Variants in DLGAP2 observed in about 807,000 individuals in gnomAD.
DLGAP2 encodes the protein DLG associated protein 2.
In DLGAP2, 26 loss-of-function variants were observed where a neutral mutation model predicts 100.3. The observed-to-expected ratio is 0.26, with a 90% CI of 0.19 to 0.36. The LOEUF (loss-of-function observed/expected upper bound fraction) is 0.36. Among genes scored for constraint, DLGAP2 ranks in the 10% least tolerant of loss-of-function variants. DLGAP2 has a pLI of 1.00. For synonymous variants in DLGAP2, 886 were observed against 630.1 expected (o/e 1.41, Z -6.08); for missense variants, 1,858 against 1,453.2 (o/e 1.28, Z -4.53).
chr8:1,619,466 A>C (rs564841143), intron 6 of DLGAP2, among the ~76,000 whole-genome samples: 3 of 152,164 alleles, frequency 2.0e-5, no homozygotes, highest in Non-Finnish European at 2.9e-5. Flanking sequence ...TTTCTGTTTC[A>C]TTTCTATGTA....
Position 1,626,870 on chromosome 8 carries a change from G to T in DLGAP2, c.1573G>T (p.Ala525Ser). ...GAGGGCCGTCAGCACCCTGAGCCAG[G>T]CCAGCTGCGTGAGCCAGGTCAGGGT... The part of the protein sequence containing the change: ...YMRAVSTLSQ[A>S]SCVSQVSEAE... Residue 525 changes from alanine to serine, a missense_variant, in exon 7 of 15, where the codon GCC becomes TCC. Coordinates refer to ENST00000637795, the MANE Select transcript of DLGAP2 (RefSeq NM_001346810.2). 6.2e-7 allele frequency: 1 copy of T among 1,603,916 alleles called. No individual in the cohort carries two copies. The highest frequency in any genetic ancestry group is 8.5e-7 in the Non-Finnish European group (1 of 1,175,508).
intron 1 of DLGAP2, among the ~76,000 whole-genome samples, chr8:814,170 C>G (rs1459012848): frequency 6.6e-6 from 1 of 152,034 alleles, no homozygotes; most frequent in Non-Finnish European, 1.5e-5. Flanking sequence ...GTTTATTTTC[C>G]CATCAAAATC....
chr8:1,442,642 G>T (rs547044840), intron 3 of DLGAP2, among the ~76,000 whole-genome samples: 24 of 146,754 alleles, frequency 1.6e-4, no homozygotes, highest in Admixed American at 4.7e-4. Context: ...TGTGGGTTCA[G>T]CCACTGGAGG....
intron 2 of DLGAP2, among the ~76,000 whole-genome samples, chr8:915,468 G>A (rs1401512852): frequency 2.6e-5 from 4 of 151,926 alleles, no homozygotes; most frequent in Non-Finnish European, 4.4e-5. Flanking sequence ...AATGGTGTGA[G>A]CCCAGGAGGC....
At chr8:1,432,841 G>C (rs1463116325) in intron 3 of DLGAP2, among the ~76,000 whole-genome samples, 1 of 152,202 alleles carries the variant, frequency 6.6e-6, no homozygotes, top group Non-Finnish European at 1.5e-5. Flanking sequence ...AGACACACTG[G>C]ACCCCGGTGA....
At chr8:831,795 C>G (rs1276354023) in intron 1 of DLGAP2, among the ~76,000 whole-genome samples, 1 of 152,176 alleles carries the variant, frequency 6.6e-6, no homozygotes, top group Admixed American at 6.5e-5. Flanking sequence ...GCCACACTGT[C>G]TTTCACAATG....
chr8:1,594,522 T>A (rs541317643), intron 6 of DLGAP2, among the ~76,000 whole-genome samples: 25 of 151,958 alleles, frequency 1.6e-4, no homozygotes, highest in African/African-American at 6.0e-4. Flanking sequence ...AAAGACAACA[T>A]CGTTACAAAT....
intron 2 of DLGAP2, among the ~76,000 whole-genome samples, chr8:961,776 C>T (rs764190391): frequency 3.9e-5 from 6 of 152,122 alleles, no homozygotes; most frequent in Non-Finnish European, 7.3e-5. Flanking sequence ...TAAAGTTATA[C>T]GTTTGTGTAA....
intron 2 of DLGAP2, among the ~76,000 whole-genome samples, chr8:1,081,418 C>T (rs543024706): frequency 6.6e-6 from 1 of 152,194 alleles, no homozygotes; most frequent in Non-Finnish European, 1.5e-5. Context: ...GTGGCGCAGC[C>T]TTGGCTCACT....
intron 4 of DLGAP2, among the ~76,000 whole-genome samples, chr8:1,512,103 G>A (rs766801426): frequency 3.3e-5 from 5 of 152,194 alleles, no homozygotes; most frequent in Non-Finnish European, 7.3e-5. Context: ...GCTGAGGGCC[G>A]ACGGCCTCCC....
chr8:1,706,943 G>A lies in DLGAP2; in HGVS notation c.*5537G>A, dbSNP rs1224256661. ...TTTCATCCTTGCCACATTGAAAAAT[G>A]TCCACAATTTTATGAATTGCTGTCC... On this transcript the variant is annotated 3_prime_UTR_variant, in exon 15 of 15. Coordinates refer to ENST00000637795, the MANE Select transcript of DLGAP2 (RefSeq NM_001346810.2). 6.6e-6 allele frequency: 1 copy of A among 152,504 alleles called. No individual in the cohort carries two copies. Among genetic ancestry groups the A allele is most frequent in the Non-Finnish European group, 1.5e-5 (1 of 68,040 alleles). 9.4% of individuals were successfully genotyped at this position (152,504 alleles called of 1,614,324 possible).
At chr8:1,594,979 C>G (rs1007032603) in intron 6 of DLGAP2, among the ~76,000 whole-genome samples, 1 of 152,064 alleles carries the variant, frequency 6.6e-6, no homozygotes, top group Non-Finnish European at 1.5e-5. Flanking sequence ...ACTGGCCTCC[C>G]GCTTCCCATC....
chr8:1,448,095 G>T (rs545816486), intron 3 of DLGAP2, among the ~76,000 whole-genome samples: 259 of 152,124 alleles, frequency 1.7e-3, no homozygotes, highest in African/African-American at 6.0e-3. Flanking sequence ...CTTCAGTTCT[G>T]CTCTGATTTT....
At chr8:844,616 C>T (rs1375372231) in intron 1 of DLGAP2, among the ~76,000 whole-genome samples, 1 of 152,210 alleles carries the variant, frequency 6.6e-6, no homozygotes. Flanking sequence ...CCTCGCCTAT[C>T]AAGGATCCCC....
chr8:843,909 C>T (rs982966184), intron 1 of DLGAP2, among the ~76,000 whole-genome samples: 2 of 152,168 alleles, frequency 1.3e-5, no homozygotes, highest in African/African-American at 4.8e-5. Flanking sequence ...TGAAGTTTAT[C>T]TGGCTTGTTT....
chr8:1,468,873 C>G (rs968361370), intron 3 of DLGAP2, among the ~76,000 whole-genome samples: 1 of 152,146 alleles, frequency 6.6e-6, no homozygotes, highest in African/African-American at 2.4e-5. Context: ...GCTGCCCGGC[C>G]CAGACTCTCT....
At chr8:1,021,788 G>A (rs1389172385) in intron 2 of DLGAP2, among the ~76,000 whole-genome samples, 1 of 152,100 alleles carries the variant, frequency 6.6e-6, no homozygotes, top group African/African-American at 2.4e-5. Context: ...CAGATGCTGT[G>A]GGGTTGGAAT....
intron 3 of DLGAP2, among the ~76,000 whole-genome samples, chr8:1,272,455 A>G (rs1159444091): frequency 6.6e-6 from 1 of 151,884 alleles, no homozygotes; most frequent in African/African-American, 2.4e-5. Flanking sequence ...TCTATATTAA[A>G]CATTTTATAT....
At chr8:1,382,892 G>T (rs1796128674) in intron 3 of DLGAP2, among the ~76,000 whole-genome samples, 1 of 152,192 alleles carries the variant, frequency 6.6e-6, no homozygotes, top group African/African-American at 2.4e-5. Context: ...TAAAATTATG[G>T]AAGGGATGTA....
Sources: allele counts gnomAD v4.1 joint callset (sites outside exome capture counted in the v4.1 genomes callset), GRCh38; gene constraint gnomAD v4.1.1; transcripts MANE v1.5; gene names NCBI Gene and HGNC (gene_info 2026-07-23, HGNC 2026-07-21).